TBC1D16: variants seen among roughly 807,000 people sequenced by gnomAD.
TBC1D16 encodes CTD-2529O21.1.
TBC1D16 carries 58 observed loss-of-function variants against 74.7 expected under a neutral mutation model. The observed-to-expected ratio is 0.78, with a 90% CI of 0.63 to 0.97. The LOEUF (loss-of-function observed/expected upper bound fraction) is 0.97, where lower values mean the gene tolerates loss of function less well. Ranked by LOEUF, TBC1D16 falls within the 50% of genes least tolerant of loss-of-function variation. The pLI is 0.00. For missense variants in TBC1D16, 1,014 were observed against 1,079.5 expected (o/e 0.94, Z 0.85); for synonymous variants, 493 against 474.7 (o/e 1.04, Z -0.50).
At position 79,993,281 on chromosome 17, in the gene TBC1D16, A is replaced by C. The variant is rs1268065482; in HGVS notation, c.779+16879T>G. On this transcript the variant is annotated intron_variant, in intron 3 of 11. Coordinates refer to ENST00000310924, the MANE Select transcript of TBC1D16 (RefSeq NM_019020.4). This position sits in a 1 kb window ranked among gnomAD's most constrained non-coding sequence, Gnocchi z 5.1. ...GATATGCCCCAGGCCGCCTGCTTCC[A>C]CCAGCCAGTCCCTTTCAAAGGGCGG... 1.3e-5 allele frequency among the ~76,000 whole-genome samples: 2 copies of C among 152,146 alleles called. No individual in the cohort carries two copies. Among genetic ancestry groups the C allele is most frequent in the South Asian group, 2.1e-4 (1 of 4,814 alleles).
chr17:80,008,019 G>A lies in TBC1D16; in HGVS notation c.779+2141C>T, dbSNP rs868692073. ...CCAATACATCCCCACCCTCAGTTGT[G>A]ATAAAAAAAAAAAAAAAGTGTCTCC... On this transcript the variant is annotated intron_variant, in intron 3 of 11. Transcript: ENST00000310924. The surrounding 1 kb of genome is among the most constrained non-coding windows in gnomAD (Gnocchi z 4.5). Among the ~76,000 whole-genome samples, 13 of 145,748 alleles carry A rather than the reference G, an allele frequency of 8.9e-5. No homozygotes were observed. The highest frequency in any genetic ancestry group is 3.0e-4 in the African/African-American group (12 of 39,652).
Position 79,994,402 on chromosome 17 carries a change from G to T in TBC1D16, c.779+15758C>A, listed in dbSNP as rs1222869154. The stretch of plus-strand genomic sequence containing the variant: ...AGTCCATGAAGAAGGGCTGGCCAGA[G>T]AATATTTTGTTTTGTTTTGTTTTGT... On this transcript the variant is annotated intron_variant, in intron 3 of 11. Coordinates refer to ENST00000310924, the MANE Select transcript of TBC1D16 (RefSeq NM_019020.4). This position sits in a 1 kb window ranked among gnomAD's most constrained non-coding sequence, Gnocchi z 4.6. Among the ~76,000 whole-genome samples, 3 of 152,074 alleles carry T rather than the reference G, an allele frequency of 2.0e-5. No individual in the cohort carries two copies. The highest frequency in any genetic ancestry group is 4.1e-4 in the South Asian group (2 of 4,822).
intron 1 of TBC1D16, among the ~76,000 whole-genome samples, chr17:80,025,074 C>CACCCCATGACACACAA (rs2036511220): frequency 8.4e-5 from 1 of 11,870 alleles, no homozygotes. Context: ...ATGACACACA[C>CACCCCATGACACACAA]ACACATACCA....
intron 1 of TBC1D16, among the ~76,000 whole-genome samples, chr17:80,021,406 G>A (rs2036277994): frequency 6.7e-6 from 1 of 149,710 alleles, no homozygotes; most frequent in Non-Finnish European, 1.5e-5. Flanking sequence ...GCTGCATTGA[G>A]CCATGATTGC....
chr17:79,974,307 C>T (rs776520977), intron 3 of TBC1D16, among the ~76,000 whole-genome samples: 3 of 152,220 alleles, frequency 2.0e-5, no homozygotes, highest in Middle Eastern at 3.4e-3. Flanking sequence ...GGTGCAATCT[C>T]GGTTCACTGC....
chr17:79,967,307 T>C (rs1358114153), intron 3 of TBC1D16, among the ~76,000 whole-genome samples: 4 of 151,862 alleles, frequency 2.6e-5, no homozygotes, highest in African/African-American at 7.2e-5. Context: ...AGGAAGAAGA[T>C]TGGAAAAAAA....
rs201292338 is a variant in TBC1D16, at chr17:80,010,444, C to T, written c.495G>A (p.Ala165=). Residue 165 remains alanine, a synonymous_variant, in exon 3 of 12, where the codon GCG becomes GCA. Coordinates refer to ENST00000310924, the MANE Select transcript of TBC1D16 (RefSeq NM_019020.4). This position sits in a 1 kb window ranked among gnomAD's most constrained non-coding sequence, Gnocchi z 8.8. ...GGGCACCATCCACCCCCAAGCCCTGCGCCAGCTTCTCCTCATCCTCTGGCG... is the reference window on the plus strand; with the variant it reads ...GGGCACCATCCACCCCCAAGCCCTGTGCCAGCTTCTCCTCATCCTCTGGCG... ...SPAPEDEEKL[A]QGLGVDGAQP... 33 of 1,609,054 alleles carry T rather than the reference C, an allele frequency of 2.1e-5. No individual in the cohort carries two copies. In the South Asian group the frequency reaches 3.1e-4, roughly 15 times the overall value.
chr17:79,935,855 A>G lies in TBC1D16; in HGVS notation c.*5004T>C, dbSNP rs928205544. The G allele has an allele frequency of 2.0e-5, 3 of 152,238 alleles. No individual in the cohort carries two copies. Among genetic ancestry groups the G allele is most frequent in the Admixed American group, 6.5e-5 (1 of 15,292 alleles). 9.4% of individuals were successfully genotyped at this position (152,238 alleles called of 1,614,324 possible). On this transcript the variant is annotated 3_prime_UTR_variant, in exon 12 of 12. Coordinates refer to ENST00000310924, the MANE Select transcript of TBC1D16 (RefSeq NM_019020.4). ...ATTTCATGAAAATTTCCCCTAAACC[A>G]TAACAAAAACTGTCCTCCTTACCCC...
intron 1 of TBC1D16, among the ~76,000 whole-genome samples, chr17:80,031,046 C>A (rs2036759183): frequency 6.6e-6 from 1 of 152,122 alleles, no homozygotes; most frequent in South Asian, 2.1e-4. Flanking sequence ...TTGGATGAGG[C>A]CCCAGCTTCC....
Position 79,938,659 on chromosome 17 carries a change from C to T in TBC1D16, c.*2200G>A, listed in dbSNP as rs983499754. The T allele has an allele frequency of 6.6e-5, 10 of 152,262 alleles. No homozygotes were observed. The highest frequency in any genetic ancestry group is 2.2e-4 in the African/African-American group (9 of 41,444). 9.4% of individuals were successfully genotyped at this position (152,262 alleles called of 1,614,324 possible). ...CTCTCCAGAGTCCCAGTTGTTTAGC[C>T]CTCCAAATTCTCAGCCTACTGCCAC... is the stretch of plus-strand genomic sequence containing the variant. On this transcript the variant is annotated 3_prime_UTR_variant, in exon 12 of 12. Transcript: ENST00000310924.
rs1243154409 is a variant in TBC1D16 at position 80,001,532 on chromosome 17, C to T, written c.779+8628G>A. Among the ~76,000 whole-genome samples, 4 of 151,508 alleles carry T rather than the reference C, an allele frequency of 2.6e-5. No individual in the cohort carries two copies. Among genetic ancestry groups the T allele is most frequent in the South Asian group, 2.1e-4 (1 of 4,752 alleles). On this transcript the variant is annotated intron_variant, in intron 3 of 11. Transcript: ENST00000310924. This position sits in a 1 kb window ranked among gnomAD's most constrained non-coding sequence, Gnocchi z 5.8. ...TTCCTGGAGCATCCTCAGGGGGCGG[C>T]GGGCGCTCTCGGGGTATCCCCGGGC...
rs993415172 is a variant in TBC1D16, at chr17:79,944,815, C to T, written c.1908+93G>A. 2.1e-5 allele frequency: 25 copies of T among 1,178,760 alleles called. No homozygotes were observed. Among genetic ancestry groups the T allele is most frequent in the South Asian group, 6.3e-5 (4 of 63,742 alleles). 73.0% of individuals were successfully genotyped at this position (1,178,760 alleles called of 1,614,324 possible). A position where few individuals can be genotyped will look rare whatever the true frequency, so the allele number is the denominator to read the frequency against. ...CTAATGTGTGGCTGTGGGTGGGGGG[C>T]GGCGAGGCGGACAGGGGCAGCAGGC... On this transcript the variant is annotated intron_variant, in intron 10 of 11. Transcript: ENST00000310924. This position sits in a 1 kb window ranked among gnomAD's most constrained non-coding sequence, Gnocchi z 7.7.
In TBC1D16 at chr17:80,035,210, C is replaced by G. The variant is rs181856450; in HGVS notation, c.-63+585G>C. Among the ~76,000 whole-genome samples the G allele has an allele frequency of 1.2e-4, 18 of 150,750 alleles. No homozygotes were observed. The highest frequency in any genetic ancestry group is 4.1e-4 in the African/African-American group (17 of 41,116). On this transcript the variant is annotated intron_variant, in intron 1 of 11. Transcript: ENST00000310924. This position sits in a 1 kb window ranked among gnomAD's most constrained non-coding sequence, Gnocchi z 5.3. The stretch of plus-strand genomic sequence containing the variant: ...CAGTTGCCTTTCCTTTTTTTCTTTC[C>G]TTCCTTTCGTTCTTTCTTTCTTTTT...
Position 79,987,658 on chromosome 17 carries a change from C to T in TBC1D16, c.779+22502G>A, listed in dbSNP as rs892415103. Among the ~76,000 whole-genome samples the T allele has an allele frequency of 1.3e-5, 2 of 152,030 alleles. No homozygotes were observed. Among genetic ancestry groups the T allele is most frequent in the African/African-American group, 4.8e-5 (2 of 41,400 alleles). On this transcript the variant is annotated intron_variant, in intron 3 of 11. Transcript: ENST00000310924. The surrounding 1 kb of genome is among the most constrained non-coding windows in gnomAD (Gnocchi z 5.2). ...TAGGGAATGTCCCCATGAAGGTAGC[C>T]CCTGGCTGGGCATTTTCCACTCCCA... is the stretch of plus-strand genomic sequence containing the variant.
Position 79,950,529 on chromosome 17 carries a change from T to G in TBC1D16, c.1139A>C (p.Lys380Thr). The G allele has an allele frequency of 6.2e-7, 1 of 1,613,378 alleles. No individual in the cohort carries two copies. The highest frequency in any genetic ancestry group is 8.5e-7 in the Non-Finnish European group (1 of 1,179,918). Residue 380 changes from lysine to threonine, a missense_variant, in exon 6 of 12, where the codon AAG becomes ACG. Transcript: ENST00000310924. This position sits in a 1 kb window ranked among gnomAD's most constrained non-coding sequence, Gnocchi z 4.6. ...TCMQFSIRRPKLPSSETHPEE... is the reference protein window; with the variant it reads ...TCMQFSIRRPTLPSSETHPEE... The stretch of plus-strand genomic sequence containing the variant: ...GGGGTGCGTCTCGGAGGACGGCAGC[T>G]TGGGGCGGCGGATGGAGAACTGCAT...
In TBC1D16 at chr17:79,980,205, G is replaced by A. The variant is rs1321084512; in HGVS notation, c.780-27387C>T. 6.6e-6 allele frequency among the ~76,000 whole-genome samples: 1 copy of A among 152,214 alleles called. No individual in the cohort carries two copies. Among genetic ancestry groups the A allele is most frequent in the African/African-American group, 2.4e-5 (1 of 41,450 alleles). ...CGTTCCCCTAGGCAATTTAAAAATG[G>A]AGTGAATACTGATAATAATTTGACT... On this transcript the variant is annotated intron_variant, in intron 3 of 11. Coordinates refer to ENST00000310924, the MANE Select transcript of TBC1D16 (RefSeq NM_019020.4). This position sits in a 1 kb window ranked among gnomAD's most constrained non-coding sequence, Gnocchi z 7.0.
At position 79,983,493 on chromosome 17, in the gene TBC1D16, G is replaced by C. The variant is rs2034678439; in HGVS notation, c.779+26667C>G. 6.6e-6 allele frequency among the ~76,000 whole-genome samples: 1 copy of C among 152,246 alleles called. No homozygotes were observed. Among genetic ancestry groups the C allele is most frequent in the Non-Finnish European group, 1.5e-5 (1 of 68,050 alleles). On this transcript the variant is annotated intron_variant, in intron 3 of 11. Coordinates refer to ENST00000310924, the MANE Select transcript of TBC1D16 (RefSeq NM_019020.4). This position sits in a 1 kb window ranked among gnomAD's most constrained non-coding sequence, Gnocchi z 5.6. ...GGACAACCTGGGGAACAGCCATGGA[G>C]ACAGTGTCCCCCTATTGGAGTGAGC... is the stretch of plus-strand genomic sequence containing the variant.
intron 7 of TBC1D16, among the ~76,000 whole-genome samples, 189 bp downstream of exon 7, chr17:79,949,528 C>A (rs1277685834): frequency 6.6e-6 from 1 of 152,254 alleles, no homozygotes; most frequent in African/African-American, 2.4e-5. Context: ...AGCTCCGAGG[C>A]CCGAGTGCTT....
intron 1 of TBC1D16, among the ~76,000 whole-genome samples, chr17:80,023,662 C>A (rs75117193): frequency 2.1e-5 from 3 of 144,208 alleles, no homozygotes; most frequent in Non-Finnish European, 4.5e-5. Flanking sequence ...GCCGGGCCCC[C>A]CCCCACCGGC....
Sources: allele counts gnomAD v4.1 joint callset (sites outside exome capture counted in the v4.1 genomes callset), GRCh38; gene constraint gnomAD v4.1.1; non-coding constraint Gnocchi (gnomAD v3.1); transcripts MANE v1.5; gene names NCBI Gene and HGNC (gene_info 2026-07-23, HGNC 2026-07-21).